Variants in RGS6 observed in about 807,000 individuals in gnomAD.
RGS6 encodes regulator of G protein signaling 6.
In RGS6, 30 loss-of-function variants were observed where a neutral mutation model predicts 78.5. That is an observed-to-expected ratio of 0.38 (90% CI 0.29 to 0.52). RGS6 has a LOEUF of 0.52. Among genes scored for constraint, RGS6 ranks in the 20% least tolerant of loss-of-function variants. RGS6 has a pLI of 0.85. For missense variants in RGS6, 495 were observed against 609.7 expected (o/e 0.81, Z 1.98); for synonymous variants, 206 against 206.0 (o/e 1.00, Z 0.00).
At chr14:72,253,962 C>T (rs189512158) in intron 2 of RGS6, among the ~76,000 whole-genome samples, 107 of 152,302 alleles carry the variant, frequency 7.0e-4, no homozygotes, top group Non-Finnish European at 1.2e-3. Context: ...GGGCACCTCA[C>T]GTGGCATTCT....
chr14:72,577,488 G>T, the RGS6 span, among the ~76,000 whole-genome samples: 2 of 152,098 alleles, frequency 1.3e-5, no homozygotes, highest in Non-Finnish European at 2.9e-5. Flanking sequence ...CCCCACCTCT[G>T]AAAAACACCC....
chr14:72,298,650 G>A (rs533100825), intron 2 of RGS6, among the ~76,000 whole-genome samples: 11 of 151,858 alleles, frequency 7.2e-5, no homozygotes, highest in Admixed American at 5.2e-4. Context: ...GGGTTTCACC[G>A]TGTTAGCCAG....
the RGS6 span, among the ~76,000 whole-genome samples, chr14:72,603,437 T>C: frequency 6.6e-6 from 1 of 152,264 alleles, no homozygotes; most frequent in African/African-American, 2.4e-5. Flanking sequence ...GAAATATCCA[T>C]GCCTATGAGG....
At chr14:72,085,687 C>T (rs1457087521) in intron 2 of RGS6, among the ~76,000 whole-genome samples, 1 of 151,984 alleles carries the variant, frequency 6.6e-6, no homozygotes, top group African/African-American at 2.4e-5. Flanking sequence ...AACCTCATCT[C>T]TACTAAAAAT....
At chr14:72,227,984 AG>A (rs899547720) in intron 2 of RGS6, among the ~76,000 whole-genome samples, 3 of 152,208 alleles carry the variant, frequency 2.0e-5, no homozygotes, top group Non-Finnish European at 2.9e-5. Context: ...AGATCTTAAC[AG>A]TGGAAGAACA....
At chr14:71,971,939 G>A in intron 2 of RGS6, among the ~76,000 whole-genome samples, 3 of 126,802 alleles carry the variant, frequency 2.4e-5, no homozygotes, top group East Asian at 2.4e-4. Flanking sequence ...TTTTTTATCA[G>A]AGTGACAACA....
At chr14:72,330,667 A>G (rs992172485) in intron 2 of RGS6, among the ~76,000 whole-genome samples, 1 of 152,196 alleles carries the variant, frequency 6.6e-6, no homozygotes, top group African/African-American at 2.4e-5. Context: ...ATTTCATTTC[A>G]GATCCACAGG....
chr14:71,895,602 A>G, the RGS6 span, among the ~76,000 whole-genome samples: 1 of 152,180 alleles, frequency 6.6e-6, no homozygotes, highest in Non-Finnish European at 1.5e-5. Flanking sequence ...TGATGTGTTA[A>G]TCAGGATCCT....
chr14:72,505,965 T>C (rs112837884), intron 13 of RGS6, among the ~76,000 whole-genome samples: 1 of 152,206 alleles, frequency 6.6e-6, no homozygotes, highest in South Asian at 2.1e-4. Flanking sequence ...ACAGACACCC[T>C]TGGAGAGCTT....
At chr14:72,074,890 T>A (rs1442897813) in intron 2 of RGS6, among the ~76,000 whole-genome samples, 1 of 152,250 alleles carries the variant, frequency 6.6e-6, no homozygotes, top group South Asian at 2.1e-4. Context: ...TTCTGTTTTG[T>A]CTTCAGCTGT....
chr14:72,050,252 A>C (rs2093144996), intron 2 of RGS6, among the ~76,000 whole-genome samples: 1 of 152,254 alleles, frequency 6.6e-6, no homozygotes, highest in South Asian at 2.1e-4. Flanking sequence ...TATCTCCTTT[A>C]ACTGATTTAG....
At chr14:72,211,676 C>T (rs776582022) in intron 2 of RGS6, among the ~76,000 whole-genome samples, 10 of 152,078 alleles carry the variant, frequency 6.6e-5, no homozygotes, top group South Asian at 6.2e-4. Context: ...GACCCCCAAA[C>T]GTAAGAATCA....
intron 3 of RGS6, chr14:72,421,554 C>T (rs908199514): frequency 6.6e-6 from 1 of 152,126 alleles, no homozygotes; most frequent in African/African-American, 2.4e-5. Flanking sequence ...TTTCTCCTGA[C>T]TGTGAATTGA....
chr14:72,476,430 G>A (rs1281961157), intron 10 of RGS6, among the ~76,000 whole-genome samples: 2 of 152,202 alleles, frequency 1.3e-5, no homozygotes, highest in Non-Finnish European at 2.9e-5. Context: ...ACTCAGCAAC[G>A]TGTCTTTTCC....
At chr14:72,195,281 G>A (rs1227827092) in intron 2 of RGS6, among the ~76,000 whole-genome samples, 2 of 152,082 alleles carry the variant, frequency 1.3e-5, no homozygotes, top group African/African-American at 2.4e-5. Context: ...TAAACAAGCT[G>A]TTGTCATACT....
intron 2 of RGS6, among the ~76,000 whole-genome samples, chr14:71,967,398 C>T (rs941395276): frequency 5.3e-5 from 8 of 152,058 alleles, no homozygotes; most frequent in Non-Finnish European, 8.8e-5. Flanking sequence ...TTTTCTACTC[C>T]TGATGCTGTA....
chr14:72,034,523 T>G (rs1271185782), intron 2 of RGS6, among the ~76,000 whole-genome samples: 1 of 152,116 alleles, frequency 6.6e-6, no homozygotes, highest in Non-Finnish European at 1.5e-5. Flanking sequence ...TATATCCCAC[T>G]TGGTCATGAT....
At chr14:72,470,179 G>T in intron 8 of RGS6, 96 bp downstream of exon 8, 1 of 897,196 alleles carries the variant, frequency 1.1e-6, no homozygotes, top group East Asian at 2.4e-5. Flanking sequence ...GTTTCCAGAT[G>T]GCGTTAGTAT....
At chr14:72,194,932 T>G (rs2153725614) in intron 2 of RGS6, among the ~76,000 whole-genome samples, 1 of 151,954 alleles carries the variant, frequency 6.6e-6, no homozygotes, top group East Asian at 1.9e-4. Context: ...ATAGGCTGGG[T>G]GCAGTGGCTC....
Sources: allele counts gnomAD v4.1 joint callset (sites outside exome capture counted in the v4.1 genomes callset), GRCh38; gene constraint gnomAD v4.1.1; transcripts MANE v1.5; gene names NCBI Gene and HGNC (gene_info 2026-07-23, HGNC 2026-07-21).